The following COL23A1 variants were observed in gnomAD, a reference collection of about 807,000 sequenced individuals.
COL23A1 encodes collagen type XXIII alpha 1 chain, also known as collagen alpha-1(XXIII) chain.
In COL23A1, 97 loss-of-function variants were observed where a neutral mutation model predicts 99.3. That is an observed-to-expected ratio of 0.98 (90% CI 0.83 to 1.16). COL23A1 has a LOEUF of 1.16. Among genes scored for constraint, COL23A1 ranks in the 50% most tolerant of loss-of-function variants. The pLI, the probability that COL23A1 is intolerant of heterozygous loss-of-function variation, is 0.00. For missense variants in COL23A1, 762 were observed against 757.4 expected, an observed-to-expected ratio of 1.01 and a Z score of -0.07; for synonymous variants, 320 against 308.2, an observed-to-expected ratio of 1.04 and a Z score of -0.40.
intron 2 of COL23A1, among the ~76,000 whole-genome samples, chr5:178,451,987 T>C (rs1767514926): frequency 6.6e-6 from 1 of 152,174 alleles, no homozygotes; most frequent in Non-Finnish European, 1.5e-5. Flanking sequence ...AAATACCAAT[T>C]AAGTTTGTGG....
intron 2 of COL23A1, among the ~76,000 whole-genome samples, chr5:178,478,903 C>T (rs941520165): frequency 2.0e-5 from 3 of 152,176 alleles, no homozygotes; most frequent in African/African-American, 7.2e-5. Flanking sequence ...GGCACAGACT[C>T]TGCCAGAATT....
rs539814602 is a variant in COL23A1, at chr5:178,247,525, C to A, written c.1296+1G>T. The A allele has an allele frequency of 6.2e-7, 1 of 1,614,108 alleles. No individual in the cohort carries two copies. The highest frequency in any genetic ancestry group is 2.2e-5 in the East Asian group (1 of 44,876). On this transcript the variant is annotated splice_donor_variant, in intron 22 of 28. Coordinates refer to ENST00000390654, the MANE Select transcript of COL23A1 (RefSeq NM_173465.4). LOFTEE classifies it high-confidence loss of function. ...CAGTAGAGGGGTCTGTGCCCACTCA[C>A]CTTGGGACCCTGGATTCCCTGGAGG...
intron 2 of COL23A1, among the ~76,000 whole-genome samples, chr5:178,359,276 C>A (rs1360098616): frequency 6.6e-6 from 1 of 152,220 alleles, no homozygotes; most frequent in Non-Finnish European, 1.5e-5. Flanking sequence ...GTAATCCCAG[C>A]ACTTTGGGAG....
At chr5:178,277,174 T>G (rs561025519) in intron 5 of COL23A1, among the ~76,000 whole-genome samples, 1 of 148,384 alleles carries the variant, frequency 6.7e-6, no homozygotes, top group Non-Finnish European at 1.5e-5. Flanking sequence ...AAGACCAGCC[T>G]GGGCAACATA....
chr5:178,402,843 C>A (rs973121787), intron 2 of COL23A1, among the ~76,000 whole-genome samples: 4 of 152,032 alleles, frequency 2.6e-5, no homozygotes, highest in Non-Finnish European at 5.9e-5. Context: ...TGTTATGTAT[C>A]AATTTGAAAA....
intron 2 of COL23A1, among the ~76,000 whole-genome samples, chr5:178,414,481 A>G (rs981601682): frequency 6.6e-6 from 1 of 151,608 alleles, no homozygotes; most frequent in African/African-American, 2.4e-5. Context: ...GTGTAAAAAA[A>G]GGCAACCAGG....
In COL23A1 at chr5:178,590,101, A is replaced by G; in HGVS notation, c.97T>C (p.Ser33Pro). The change falls in exon 1 of 29, where the codon TCC (serine) becomes CCC (proline). Residue 33 changes from serine to proline, a missense_variant. Ser to Pro is a moderately conservative substitution (Grantham distance 74). Transcript: ENST00000390654. This position sits in a 1 kb window ranked among gnomAD's most constrained non-coding sequence, Gnocchi z 5.7. ...AGGCACAGCGCGCTCACCGCCCGGG[A>G]CCCGGCCGTCGTCGCCGAGCGCCCT... ...GGGRSATTAGSRAVSALCLLL... is the reference protein window; with the variant it reads ...GGGRSATTAGPRAVSALCLLL... 7.9e-7 allele frequency: 1 copy of G among 1,267,414 alleles called. No homozygotes were observed. The highest frequency in any genetic ancestry group is 9.9e-7 in the Non-Finnish European group (1 of 1,007,110). 78.5% of individuals were successfully genotyped at this position (1,267,414 alleles called of 1,614,324 possible).
In COL23A1 at chr5:178,337,681, T is replaced by C. The variant is rs113304153; in HGVS notation, c.362-30762A>G. On this transcript the variant is annotated intron_variant, in intron 2 of 28. Transcript: ENST00000390654. The stretch of plus-strand genomic sequence containing the variant: ...TCAGGAGCCACTGCTCTCCCCGCCA[T>C]CCAGGACTGCAGGCTTCCTCTGTCC... Among the ~76,000 whole-genome samples, 1,306 of 152,132 alleles carry C rather than the reference T, an allele frequency of 8.6e-3. 20 individuals are homozygous for C. Among genetic ancestry groups the C allele is most frequent in the African/African-American group, 0.03 (1,243 of 41,478 alleles).
At chr5:178,533,872 G>A (rs188805170) in intron 2 of COL23A1, among the ~76,000 whole-genome samples, 4 of 152,278 alleles carry the variant, frequency 2.6e-5, no homozygotes, top group Admixed American at 6.5e-5. Context: ...TGTATCATTC[G>A]TCTATTGAAA....
intron 2 of COL23A1, among the ~76,000 whole-genome samples, chr5:178,482,969 G>A (rs1471189121): frequency 2.6e-5 from 4 of 152,086 alleles, no homozygotes; most frequent in African/African-American, 9.7e-5. Flanking sequence ...CTACTTGGGA[G>A]GCTAAGGCAG....
intron 2 of COL23A1, among the ~76,000 whole-genome samples, chr5:178,382,126 C>G (rs1233705413): frequency 1.3e-5 from 2 of 152,136 alleles, no homozygotes; most frequent in African/African-American, 2.4e-5. Flanking sequence ...CATTCTGGCA[C>G]AGTCCCTGGG....
intron 5 of COL23A1, among the ~76,000 whole-genome samples, chr5:178,272,935 A>G (rs935414169): frequency 6.6e-6 from 1 of 152,166 alleles, no homozygotes; most frequent in African/African-American, 2.4e-5. Flanking sequence ...GGTACGTGTC[A>G]TCATCCCCAT....
intron 3 of COL23A1, among the ~76,000 whole-genome samples, chr5:178,292,558 G>A (rs974830292): frequency 1.3e-5 from 2 of 152,258 alleles, no homozygotes; most frequent in Admixed American, 6.5e-5. Context: ...CTTGAGCAGA[G>A]AGAGGGTGAG....
chr5:178,305,677 G>A (rs1758312861), intron 3 of COL23A1, among the ~76,000 whole-genome samples: 1 of 152,136 alleles, frequency 6.6e-6, no homozygotes, highest in Admixed American at 6.5e-5. Flanking sequence ...TTCTGGGTGC[G>A]GGAAGACATA....
At chr5:178,404,937 C>A (rs918343758) in intron 2 of COL23A1, among the ~76,000 whole-genome samples, 1 of 152,218 alleles carries the variant, frequency 6.6e-6, no homozygotes. Context: ...TTTGCTTTAA[C>A]TTATAATAGA....
chr5:178,520,841 ATTCAGTT>A (rs1466078526), intron 2 of COL23A1, among the ~76,000 whole-genome samples: 1 of 152,250 alleles, frequency 6.6e-6, no homozygotes, highest in Non-Finnish European at 1.5e-5. Context: ...ATTTCATTCC[ATTCAGTT>A]GTCCAGACGG....
intron 2 of COL23A1, among the ~76,000 whole-genome samples, chr5:178,330,096 A>G (rs2127643456): frequency 6.6e-6 from 1 of 152,244 alleles, no homozygotes; most frequent in Non-Finnish European, 1.5e-5. Context: ...CAGGAGGGAG[A>G]GTATTCAGGG....
chr5:178,308,589 C>T lies in COL23A1; in HGVS notation c.362-1670G>A, dbSNP rs1330810818. ...TTACAGCTTATGAGGCACCTCCAGG[C>T]CCATGCTCCTGGCCGAGGCCTGCGA... On this transcript the variant is annotated intron_variant, in intron 2 of 28. Transcript: ENST00000390654. The surrounding 1 kb of genome is among the most constrained non-coding windows in gnomAD (Gnocchi z 5.1). 6.6e-6 allele frequency among the ~76,000 whole-genome samples: 1 copy of T among 152,184 alleles called. No homozygotes were observed. Among genetic ancestry groups the T allele is most frequent in the Non-Finnish European group, 1.5e-5 (1 of 68,030 alleles).
At chr5:178,473,699 C>G (rs1016996730) in intron 2 of COL23A1, among the ~76,000 whole-genome samples, 6 of 152,050 alleles carry the variant, frequency 3.9e-5, no homozygotes, top group Non-Finnish European at 7.4e-5. Context: ...TATACTGTTT[C>G]TACTCTTCCA....
Sources: gnomAD v4.1 joint callset for allele counts (sites outside exome capture counted in the v4.1 genomes callset) on GRCh38, gnomAD v4.1.1 for gene constraint, Gnocchi (gnomAD v3.1) non-coding constraint, MANE v1.5 for transcripts, NCBI Gene and HGNC (gene_info 2026-07-23, HGNC 2026-07-21) for gene names.